ZFHX3: variants seen among roughly 807,000 people sequenced by gnomAD.
ZFHX3 encodes zinc finger homeobox protein 3.
A neutral mutation model predicts 279.1 loss-of-function variants in ZFHX3; 42 were observed. The ratio of observed to expected loss-of-function variants is 0.15; its 90% CI spans 0.12 to 0.19. ZFHX3 has a LOEUF of 0.19. ZFHX3 is among the 10% of genes least tolerant of loss of function. The probability of loss-of-function intolerance (pLI) is 1.00; values close to 1 mark genes in which losing one functional copy is unlikely to be tolerated. For missense variants in ZFHX3, 4,981 were observed against 4,754.0 expected, an observed-to-expected ratio of 1.05 and a Z score of -1.40; for synonymous variants, 2,293 against 1,957.8, an observed-to-expected ratio of 1.17 and a Z score of -4.52.
At chr16:72,941,811 G>A (rs1370631600) in intron 3 of ZFHX3, among the ~76,000 whole-genome samples, 1 of 152,132 alleles carries the variant, frequency 6.6e-6, no homozygotes, top group Admixed American at 6.5e-5. Flanking sequence ...GTATTTCTAT[G>A]AGTGACAGAT....
In ZFHX3 at chr16:72,957,549, A is replaced by T; in HGVS notation, c.2597T>A (p.Leu866Gln). 5.0e-6 allele frequency: 8 copies of T among 1,614,180 alleles called. No homozygotes were observed. Among genetic ancestry groups the T allele is most frequent in the Non-Finnish European group, 6.8e-6 (8 of 1,180,040 alleles). Reference sequence around the variant, plus strand: ...GTTGGGCAGGTTCATGTTCTGGGCCAGGTAGTATTGGTAGAGCTCGGCCTC... The same window carrying T: ...GTTGGGCAGGTTCATGTTCTGGGCCTGGTAGTATTGGTAGAGCTCGGCCTC... ...PAEAELYQYY[L>Q]AQNMNLPNLK... Residue 866 changes from leucine (L) to glutamine (Q), a missense_variant, in exon 2 of 10, where the codon CTG (leucine) becomes CAG (glutamine). By Grantham distance (113) the Leu-to-Gln change is moderately radical. Coordinates refer to ENST00000268489, the MANE Select transcript of ZFHX3 (RefSeq NM_006885.4).
At chr16:73,254,837 G>A (rs2013616515) in intron 5 of ZFHX3, among the ~76,000 whole-genome samples, 1 of 152,112 alleles carries the variant, frequency 6.6e-6, no homozygotes, top group Admixed American at 6.5e-5. Flanking sequence ...GCAGGTGGAA[G>A]GGGAAATAGA....
intron 2 of ZFHX3, among the ~76,000 whole-genome samples, chr16:73,523,623 T>G (rs201857847): frequency 0.38 from 29,145 of 76,256 alleles, 3,031 homozygotes; most frequent in East Asian, 0.57. Flanking sequence ...GAAGCTGGGT[T>G]TTTTTTTTTT....
intron 4 of ZFHX3, among the ~76,000 whole-genome samples, chr16:72,873,596 T>C (rs1304907093): frequency 3.9e-5 from 6 of 152,202 alleles, no homozygotes; most frequent in Non-Finnish European, 7.3e-5. Context: ...ATATACGAGG[T>C]AGTAATTACC....
chr16:73,132,452 A>G (rs28551737), intron 6 of ZFHX3, among the ~76,000 whole-genome samples: 2,356 of 152,252 alleles, frequency 0.015, 68 homozygotes, highest in African/African-American at 0.054. Context: ...GGATGAAGGT[A>G]TTATGATAGC....
At chr16:73,692,351 A>G (rs2053157357) in intron 1 of ZFHX3, among the ~76,000 whole-genome samples, 1 of 152,202 alleles carries the variant, frequency 6.6e-6, no homozygotes, top group Non-Finnish European at 1.5e-5. Context: ...AGAGAACCCA[A>G]GGACCAGGCC....
intron 3 of ZFHX3, among the ~76,000 whole-genome samples, chr16:73,333,465 AACAG>A (rs1217074560): frequency 7.2e-5 from 11 of 152,200 alleles, no homozygotes; most frequent in Non-Finnish European, 8.8e-5. Flanking sequence ...CACATAGATA[AACAG>A]ACAGAAAGAA....
intron 3 of ZFHX3, among the ~76,000 whole-genome samples, chr16:73,427,868 G>A (rs942427232): frequency 4.6e-5 from 7 of 152,094 alleles, no homozygotes; most frequent in Non-Finnish European, 8.8e-5. Context: ...ACTGGAACCC[G>A]GGAGGCAGAG....
chr16:73,864,672 A>G (rs1283529844), intron 1 of ZFHX3, among the ~76,000 whole-genome samples: 1 of 152,190 alleles, frequency 6.6e-6, no homozygotes, highest in Non-Finnish European at 1.5e-5. Flanking sequence ...GTGAGCCAAG[A>G]TCGCCCCACT....
intron 3 of ZFHX3, among the ~76,000 whole-genome samples, chr16:73,367,339 G>A (rs1181149846): frequency 6.6e-6 from 1 of 152,146 alleles, no homozygotes; most frequent in African/African-American, 2.4e-5. Context: ...TATCAAGGTG[G>A]CACACTTCAC....
At position 73,643,117 on chromosome 16, in the gene ZFHX3, C is replaced by A. The variant is rs530836486; in HGVS notation, c.-1547+37063G>T. Among the ~76,000 whole-genome samples, 35 of 152,292 alleles carry A rather than the reference C, an allele frequency of 2.3e-4. No homozygotes were observed. The South Asian group carries it at 4.1e-3, about 18-fold the overall frequency. ...TGCTATCTGGAGGCTCCGTCAGCAC[C>A]TTGTGCAAAAGAACTAAAACAATAT... On this transcript the variant is annotated intron_variant, in intron 2 of 17. Transcript: ENST00000641206.
At chr16:73,752,264 G>C (rs184846940) in intron 1 of ZFHX3, among the ~76,000 whole-genome samples, 4 of 152,290 alleles carry the variant, frequency 2.6e-5, no homozygotes, top group East Asian at 3.9e-4. Context: ...ATTTCAGCTA[G>C]TTTGAGAGGG....
intron 1 of ZFHX3, among the ~76,000 whole-genome samples, chr16:73,841,970 T>C (rs1162570742): frequency 6.6e-6 from 1 of 151,862 alleles, no homozygotes; most frequent in Non-Finnish European, 1.5e-5. Flanking sequence ...ATCCCAGCAC[T>C]TTGGGAGGCT....
intron 2 of ZFHX3, among the ~76,000 whole-genome samples, chr16:72,955,804 T>A (rs1395068267): frequency 6.7e-6 from 1 of 148,704 alleles, no homozygotes; most frequent in Non-Finnish European, 1.5e-5. Flanking sequence ...AACCCTCACT[T>A]TGACCCAACA....
chr16:73,010,950 G>A (rs897947796), intron 1 of ZFHX3, among the ~76,000 whole-genome samples: 1 of 152,074 alleles, frequency 6.6e-6, no homozygotes, highest in African/African-American at 2.4e-5. Flanking sequence ...GACTACAGGT[G>A]TGCACCACCG....
intron 3 of ZFHX3, among the ~76,000 whole-genome samples, chr16:72,949,098 G>A (rs1046793689): frequency 6.6e-6 from 1 of 152,132 alleles, no homozygotes; most frequent in Non-Finnish European, 1.5e-5. Flanking sequence ...TAAGCACTAC[G>A]TTATGCAGGC....
chr16:73,712,321 T>A (rs893303195), intron 1 of ZFHX3, among the ~76,000 whole-genome samples: 1 of 152,218 alleles, frequency 6.6e-6, no homozygotes, highest in Non-Finnish European at 1.5e-5. Flanking sequence ...CAAGCTGCCC[T>A]TCTTCCTTGG....
At chr16:73,413,901 G>T (rs746878461) in intron 3 of ZFHX3, among the ~76,000 whole-genome samples, 4 of 152,282 alleles carry the variant, frequency 2.6e-5, no homozygotes, top group South Asian at 2.1e-4. Flanking sequence ...GTGATCATTG[G>T]ATTATTAGAA....
At chr16:73,856,623 C>T (rs1961734106) in intron 1 of ZFHX3, among the ~76,000 whole-genome samples, 1 of 152,136 alleles carries the variant, frequency 6.6e-6, no homozygotes, top group Non-Finnish European at 1.5e-5. Context: ...TTCCAAATGC[C>T]TGTAGCATCT....
Sources: allele counts gnomAD v4.1 joint callset (sites outside exome capture counted in the v4.1 genomes callset), GRCh38; gene constraint gnomAD v4.1.1; transcripts MANE v1.5; gene names NCBI Gene and HGNC (gene_info 2026-07-23, HGNC 2026-07-21).